The following PUDP variants were observed in gnomAD, a reference collection of about 807,000 sequenced individuals.
The protein encoded by PUDP is pseudouridine 5'-phosphatase.
In PUDP, 8 loss-of-function variants were observed where a neutral mutation model predicts 9.4. The observed-to-expected ratio is 0.85, with a 90% CI of 0.50 to 1.53. The LOEUF is 1.53. Among genes scored for constraint, PUDP ranks in the 40% most tolerant of loss-of-function variants. PUDP has a pLI of 0.00. For missense variants in PUDP, 188 were observed against 189.7 expected (o/e 0.99, Z 0.05); for synonymous variants, 99 against 80.7 (o/e 1.23, Z -1.22).
intron 3 of PUDP, among the ~76,000 whole-genome samples, chrX:6,800,325 C>T (rs996059162): frequency 8.9e-6 from 1 of 111,765 alleles, no homozygotes; most frequent in East Asian, 2.8e-4. Context: ...AATCTGCATC[C>T]CCTGCTATCT....
At chrX:6,834,083 A>C (rs1033994455) in intron 3 of PUDP, among the ~76,000 whole-genome samples, 2 of 111,996 alleles carry the variant, frequency 1.8e-5, no homozygotes, top group Non-Finnish European at 3.8e-5. Flanking sequence ...GAATAAAAAC[A>C]GATACACAGA....
intron 3 of PUDP, among the ~76,000 whole-genome samples, chrX:6,777,343 T>C (rs1470978071): frequency 8.9e-6 from 1 of 111,806 alleles, no homozygotes; most frequent in Non-Finnish European, 1.9e-5. Flanking sequence ...CAATACAACA[T>C]GTGAGATATT....
intron 3 of PUDP, among the ~76,000 whole-genome samples, chrX:6,959,492 C>T (rs73629016): frequency 9.8e-4 from 110 of 112,395 alleles, no homozygotes; most frequent in African/African-American, 3.4e-3. Flanking sequence ...TGAATGCAAG[C>T]GCTGTGCAGG....
At chrX:6,917,348 T>C (rs1927951623) in intron 3 of PUDP, among the ~76,000 whole-genome samples, 1 of 103,535 alleles carries the variant, frequency 9.7e-6, no homozygotes, top group Non-Finnish European at 2.0e-5. Flanking sequence ...GCCTAGGCAA[T>C]AGAGGAAAAC....
At chrX:6,724,799 C>A (rs1354062482), upstream of PUDP, among the ~76,000 whole-genome samples, 1 of 111,367 alleles carries the variant, frequency 9.0e-6, no homozygotes, top group South Asian at 3.8e-4. Context: ...TTCCCACCCC[C>A]CATCCACCAT....
intron 3 of PUDP, among the ~76,000 whole-genome samples, chrX:6,891,539 C>T (rs1405390254): frequency 8.9e-6 from 1 of 112,236 alleles, no homozygotes; most frequent in Non-Finnish European, 1.9e-5. Context: ...CTCCCCAGCT[C>T]CCAACTCCTT....
chrX:6,965,372 C>T (rs915317787), intron 3 of PUDP, among the ~76,000 whole-genome samples: 1 of 112,011 alleles, frequency 8.9e-6, no homozygotes, highest in African/African-American at 3.2e-5. Flanking sequence ...GTTTCTCTTA[C>T]CCCCAAGCAC....
At chrX:6,763,502 A>C (rs1377525420) in intron 3 of PUDP, among the ~76,000 whole-genome samples, 1 of 112,177 alleles carries the variant, frequency 8.9e-6, no homozygotes, top group Non-Finnish European at 1.9e-5. Context: ...TTGAGACACA[A>C]GGGCAGAACT....
At chrX:6,939,170 A>G (rs1359915826) in intron 3 of PUDP, among the ~76,000 whole-genome samples, 1 of 110,135 alleles carries the variant, frequency 9.1e-6, no homozygotes, top group East Asian at 2.8e-4. Context: ...ATCTTTATCA[A>G]CAGTCTTGAA....
At chrX:6,963,158 G>C (rs897910179) in intron 3 of PUDP, among the ~76,000 whole-genome samples, 2 of 112,212 alleles carry the variant, frequency 1.8e-5, no homozygotes, top group African/African-American at 3.2e-5. Context: ...TGTCTTCAAG[G>C]GTCCCTGTGA....
At chrX:6,831,262 A>G (rs1314736040) in intron 3 of PUDP, among the ~76,000 whole-genome samples, 1 of 112,129 alleles carries the variant, frequency 8.9e-6, no homozygotes, top group African/African-American at 3.2e-5. Context: ...CAATTTGGGG[A>G]GGTTCAGAAT....
intron 3 of PUDP, among the ~76,000 whole-genome samples, chrX:6,932,116 A>T (rs986170004): frequency 9.0e-6 from 1 of 111,632 alleles, no homozygotes; most frequent in Non-Finnish European, 1.9e-5. Context: ...TTAAGTTCGT[A>T]AGGCAAACTT....
At chrX:6,868,214 A>G (rs1218981480) in intron 3 of PUDP, among the ~76,000 whole-genome samples, 3 of 111,774 alleles carry the variant, frequency 2.7e-5, no homozygotes, top group Non-Finnish European at 5.6e-5. Context: ...TAACAGCTAT[A>G]TACACTAAAG....
intron 1 of PUDP, among the ~76,000 whole-genome samples, chrX:7,039,626 C>T (rs1406116862): frequency 2.7e-5 from 3 of 112,076 alleles, no homozygotes; most frequent in African/African-American, 9.7e-5. Flanking sequence ...CAGGAGGCAC[C>T]ATCCCTGCTG....
At chrX:7,039,088 C>T (rs1331092968) in intron 1 of PUDP, among the ~76,000 whole-genome samples, 2 of 110,512 alleles carry the variant, frequency 1.8e-5, no homozygotes, top group Admixed American at 1.9e-4. Flanking sequence ...TGCCACCATG[C>T]CCCGCTAATT....
chrX:6,759,859 C>T (rs1262161745), intron 3 of PUDP, among the ~76,000 whole-genome samples: 1 of 104,838 alleles, frequency 9.5e-6, no homozygotes, highest in African/African-American at 3.5e-5. Flanking sequence ...GCATTGTGGA[C>T]GCTTCTCATT....
At chrX:7,066,905 G>A (rs5978856) in intron 3 of PUDP, among the ~76,000 whole-genome samples, 36,658 of 110,194 alleles carry the variant, frequency 0.33, 4,704 homozygotes, top group Middle Eastern at 0.47. Context: ...ACATGCATGC[G>A]CACACACACA....
chrX:6,923,981 C>T, intron 3 of PUDP, among the ~76,000 whole-genome samples: 1 of 111,010 alleles, frequency 9.0e-6, no homozygotes, highest in Non-Finnish European at 1.9e-5. Context: ...GCCTTCCCAC[C>T]TTCTCTTGCT....
intron 1 of PUDP, among the ~76,000 whole-genome samples, chrX:7,014,642 T>A (rs1238320761): frequency 8.9e-6 from 1 of 111,977 alleles, no homozygotes; most frequent in Non-Finnish European, 1.9e-5. Flanking sequence ...ACTTTATGTA[T>A]TCAAAACTGT....
Sources: allele counts gnomAD v4.1 joint callset (sites outside exome capture counted in the v4.1 genomes callset), GRCh38; gene constraint gnomAD v4.1.1; transcripts MANE v1.5; gene names NCBI Gene and HGNC (gene_info 2026-07-23, HGNC 2026-07-21).